NUP210: variants seen among roughly 807,000 people sequenced by gnomAD.
The protein encoded by NUP210 is nuclear pore membrane glycoprotein 210.
Under a neutral mutation model 196.0 loss-of-function variants are expected in NUP210, and 151 were observed. The ratio of observed to expected loss-of-function variants is 0.77; its 90% CI spans 0.67 to 0.88. The LOEUF (loss-of-function observed/expected upper bound fraction) is 0.88. Ranked by LOEUF, NUP210 falls within the 40% of genes least tolerant of loss-of-function variation. The pLI is 0.00. For missense variants in NUP210, 2,314 were observed against 2,493.7 expected (o/e 0.93, Z 1.53); for synonymous variants, 1,070 against 1,052.7 (o/e 1.02, Z -0.32).
chr3:13,349,090 C>A lies in NUP210; in HGVS notation c.2835+2789G>T, dbSNP rs553903592. On this transcript the variant is annotated intron_variant, in intron 20 of 39. Coordinates refer to ENST00000254508, the MANE Select transcript of NUP210 (RefSeq NM_024923.4). ...AAACATACACACAGCCGTTTAAAAT[C>A]TCTGGGATGATTCCAAGGGCAACAG... Among the ~76,000 whole-genome samples, 10 of 113,502 alleles carry A rather than the reference C, an allele frequency of 8.8e-5. No individual in the cohort carries two copies. In the South Asian group the frequency reaches 1.4e-3, roughly 16 times the overall value. 74.5% of individuals were successfully genotyped at this position (113,502 alleles called of 152,430 possible). A position where few individuals can be genotyped will look rare whatever the true frequency, so the allele number is the denominator to read the frequency against.
chr3:13,382,797 C>T (rs916834638), intron 6 of NUP210, among the ~76,000 whole-genome samples: 3 of 152,172 alleles, frequency 2.0e-5, no homozygotes, highest in Non-Finnish European at 4.4e-5. Flanking sequence ...ACTTTTCTGT[C>T]TAGCAAACCT....
At chr3:13,393,369 C>T (rs1699551869) in intron 3 of NUP210, among the ~76,000 whole-genome samples, 1 of 152,162 alleles carries the variant, frequency 6.6e-6, no homozygotes, top group South Asian at 2.1e-4. Context: ...ATCTTTGCTC[C>T]CCACAGTCTC....
chr3:13,412,730 G>C (rs1481680134), intron 1 of NUP210, among the ~76,000 whole-genome samples: 1 of 151,352 alleles, frequency 6.6e-6, no homozygotes, highest in African/African-American at 2.4e-5. Flanking sequence ...AAAAAAAAAA[G>C]GGAGGCTGAG....
chr3:13,353,682 C>G, intron 17 of NUP210, 22 bp from the exon 18 acceptor site: 1 of 1,603,532 alleles, frequency 6.2e-7, no homozygotes. Flanking sequence ...AAGAAGGAAG[C>G]CACCGTTGGA....
Position 13,340,313 on chromosome 3 carries a change from A to C in NUP210, c.3229-15T>G. Reference sequence around the variant, plus strand: ...GGGGGAAAGACCTGTTGAGAGACACAGGAGAGAAAGGACTACTGTGCCCCA... The same window carrying C: ...GGGGGAAAGACCTGTTGAGAGACACCGGAGAGAAAGGACTACTGTGCCCCA... On this transcript the variant is annotated splice_polypyrimidine_tract_variant and intron_variant, in intron 23 of 39. Coordinates refer to ENST00000254508, the MANE Select transcript of NUP210 (RefSeq NM_024923.4). The surrounding 1 kb of genome is among the most constrained non-coding windows in gnomAD (Gnocchi z 4.0). 3 of 1,612,028 alleles carry C rather than the reference A, an allele frequency of 1.9e-6. No individual in the cohort carries two copies. Among genetic ancestry groups the C allele is most frequent in the Non-Finnish European group, 2.5e-6 (3 of 1,178,894 alleles).
intron 13 of NUP210, among the ~76,000 whole-genome samples, chr3:13,366,640 C>T (rs191867941): frequency 1.9e-3 from 292 of 151,738 alleles, no homozygotes; most frequent in African/African-American, 6.8e-3. Flanking sequence ...GCCTCAGCCT[C>T]CCGAGTAGCT....
intron 14 of NUP210, among the ~76,000 whole-genome samples, chr3:13,365,027 C>T (rs1698483920): frequency 6.6e-6 from 1 of 152,072 alleles, no homozygotes; most frequent in Non-Finnish European, 1.5e-5. Context: ...TAGGACTGCT[C>T]TCCAGCCCTC....
At chr3:13,394,134 C>T (rs1254354604) in intron 3 of NUP210, among the ~76,000 whole-genome samples, 1 of 152,190 alleles carries the variant, frequency 6.6e-6, no homozygotes. Context: ...CCAAGGAGGG[C>T]TCCCTGGAGG....
chr3:13,360,009 A>C (rs1698314913), intron 15 of NUP210, among the ~76,000 whole-genome samples: 1 of 152,214 alleles, frequency 6.6e-6, no homozygotes, highest in African/African-American at 2.4e-5. Flanking sequence ...GGGATGCTGA[A>C]GCCCATGGAG....
chr3:13,391,576 C>T (rs1305439873), intron 3 of NUP210, among the ~76,000 whole-genome samples: 1 of 151,128 alleles, frequency 6.6e-6, no homozygotes, highest in African/African-American at 2.4e-5. Flanking sequence ...CTGTGACTCC[C>T]TGCCCTTGAC....
intron 10 of NUP210, 84 bp from the exon 11 acceptor site, chr3:13,375,725 C>T (rs1234890470): frequency 2.3e-5 from 33 of 1,453,620 alleles, no homozygotes; most frequent in Non-Finnish European, 2.8e-5. Flanking sequence ...CCACCCCTCC[C>T]TGGGGATCGG....
chr3:13,377,671 C>A, intron 8 of NUP210, 109 bp from the exon 9 acceptor site: 1 of 739,006 alleles, frequency 1.4e-6, no homozygotes, highest in Non-Finnish European at 2.3e-6. Context: ...ACACGAGAAG[C>A]CCCACTCCAC....
At chr3:13,395,109 G>C (rs980979407) in intron 3 of NUP210, among the ~76,000 whole-genome samples, 1 of 152,142 alleles carries the variant, frequency 6.6e-6, no homozygotes, top group African/African-American at 2.4e-5. Flanking sequence ...CTCCAGGAGA[G>C]GGGGGAGTGT....
At chr3:13,331,679 G>A (rs1377936433) in intron 29 of NUP210, among the ~76,000 whole-genome samples, 1 of 152,206 alleles carries the variant, frequency 6.6e-6, no homozygotes, top group African/African-American at 2.4e-5. Context: ...TTGGCTGAAT[G>A]AAAACATGTA....
At chr3:13,320,419 G>T (rs1388408076) in intron 36 of NUP210, among the ~76,000 whole-genome samples, 1 of 152,050 alleles carries the variant, frequency 6.6e-6, no homozygotes. Context: ...AGATCATGAG[G>T]TCAGGAGATC....
intron 16 of NUP210, among the ~76,000 whole-genome samples, chr3:13,355,211 CAG>C (rs1238774257): frequency 6.6e-6 from 1 of 152,224 alleles, no homozygotes; most frequent in African/African-American, 2.4e-5. Context: ...CATTCACAAA[CAG>C]GGCTAGTTTT....
rs527497977 is a variant in NUP210 at position 13,411,932 on chromosome 3, G to A, written c.167+8128C>T. Among the ~76,000 whole-genome samples, 211 of 152,160 alleles carry A rather than the reference G, an allele frequency of 1.4e-3. 1 individual carries two copies. Among genetic ancestry groups the A allele is most frequent in the African/African-American group, 4.6e-3 (192 of 41,496 alleles). On this transcript the variant is annotated intron_variant, in intron 1 of 39. Transcript: ENST00000254508. ...TTTTTTTTGTATTTTTAGTAGAGATGGGGTTTCACCATATTGGCCAGGCTG... is the reference window on the plus strand; with the variant it reads ...TTTTTTTTGTATTTTTAGTAGAGATAGGGTTTCACCATATTGGCCAGGCTG...
chr3:13,368,667 T>C (rs1011276749), intron 13 of NUP210, among the ~76,000 whole-genome samples: 2 of 152,220 alleles, frequency 1.3e-5, no homozygotes, highest in African/African-American at 2.4e-5. Flanking sequence ...CTCATACAAG[T>C]GGGATCATAG....
rs905358762 is a variant in NUP210 at position 13,350,273 on chromosome 3, C to T, written c.2835+1606G>A. The stretch of plus-strand genomic sequence containing the variant: ...CAGCCTGTGTGTTTGTGTGTGTGTG[C>T]GCGTGTGTTTTTGTGTCTTCAGCAA... On this transcript the variant is annotated intron_variant, in intron 20 of 39. Transcript: ENST00000254508. The surrounding 1 kb of genome is among the most constrained non-coding windows in gnomAD (Gnocchi z 4.1). 3.3e-5 allele frequency among the ~76,000 whole-genome samples: 5 copies of T among 151,654 alleles called. No homozygotes were observed. Among genetic ancestry groups the T allele is most frequent in the Admixed American group, 1.3e-4 (2 of 15,208 alleles).
Sources: allele counts gnomAD v4.1 joint callset (sites outside exome capture counted in the v4.1 genomes callset), GRCh38; gene constraint gnomAD v4.1.1; non-coding constraint Gnocchi (gnomAD v3.1); transcripts MANE v1.5; gene names NCBI Gene and HGNC (gene_info 2026-07-23, HGNC 2026-07-21).